Variants in ZFHX3 observed in about 807,000 individuals in gnomAD.
ZFHX3 encodes zinc finger homeobox 3, also known as zinc finger homeobox protein 3.
ZFHX3 carries 42 observed loss-of-function variants against 279.1 expected under a neutral mutation model. The observed-to-expected ratio is 0.15, with a 90% CI of 0.12 to 0.19. ZFHX3 has a LOEUF of 0.19. Ranked by LOEUF, ZFHX3 falls within the 10% of genes least tolerant of loss-of-function variation. The probability of loss-of-function intolerance (pLI) is 1.00; values close to 1 mark genes in which losing one functional copy is unlikely to be tolerated. For synonymous variants in ZFHX3, 2,293 were observed against 1,957.8 expected (o/e 1.17, Z -4.52); for missense variants, 4,981 against 4,754.0 (o/e 1.05, Z -1.40).
intron 4 of ZFHX3, among the ~76,000 whole-genome samples, chr16:73,297,675 G>C (rs1161795942): frequency 6.6e-6 from 1 of 151,964 alleles, no homozygotes; most frequent in Non-Finnish European, 1.5e-5. Context: ...AAGAAGGAGT[G>C]TAAGGAGAAT....
intron 1 of ZFHX3, among the ~76,000 whole-genome samples, chr16:73,846,903 T>C (rs1961462866): frequency 1.3e-5 from 2 of 152,166 alleles, no homozygotes; most frequent in South Asian, 4.1e-4. Flanking sequence ...AAGGAGGCCC[T>C]TTTTTTATTT....
At chr16:73,164,775 C>T (rs966795735) in intron 5 of ZFHX3, among the ~76,000 whole-genome samples, 1 of 151,668 alleles carries the variant, frequency 6.6e-6, no homozygotes, top group Non-Finnish European at 1.5e-5. Context: ...GAAGGCTTTG[C>T]CATGGACCAA....
At chr16:73,155,308 A>C (rs1367553013) in intron 5 of ZFHX3, among the ~76,000 whole-genome samples, 1 of 152,024 alleles carries the variant, frequency 6.6e-6, no homozygotes, top group Non-Finnish European at 1.5e-5. Context: ...AATAATTCTT[A>C]GGGCTTTAGG....
At chr16:73,880,986 CA>C (rs2030126490) in intron 1 of ZFHX3, among the ~76,000 whole-genome samples, 2 of 152,130 alleles carry the variant, frequency 1.3e-5, no homozygotes, top group South Asian at 4.1e-4. Flanking sequence ...TTTTCCATGT[CA>C]CAGGCAAAGG....
At chr16:73,382,799 C>CTATT (rs2016837717) in intron 3 of ZFHX3, among the ~76,000 whole-genome samples, 1 of 152,150 alleles carries the variant, frequency 6.6e-6, no homozygotes, top group African/African-American at 2.4e-5. Flanking sequence ...TTTCAACTTT[C>CTATT]AATAGAAACA....
rs911524007 is a variant in ZFHX3, at chr16:72,958,049, G to T, written c.2097C>A (p.Gly699=). ...HMKEKHPEPG[G]SCVYCKSGQP... Reference sequence around the variant, plus strand: ...GCCCGCTTTTGCAGTAGACACAGGAGCCCCCCGGCTCCGGGTGCTTCTCCT... The same window carrying T: ...GCCCGCTTTTGCAGTAGACACAGGATCCCCCCGGCTCCGGGTGCTTCTCCT... Residue 699 remains glycine, a synonymous_variant, in exon 2 of 10, where the codon GGC becomes GGA. Coordinates refer to ENST00000268489, the MANE Select transcript of ZFHX3 (RefSeq NM_006885.4). 5.6e-6 allele frequency: 9 copies of T among 1,613,664 alleles called. No individual in the cohort carries two copies. In the Admixed American group the frequency reaches 1.5e-4, roughly 27 times the overall value.
chr16:72,827,849 C>T (rs2036971103), intron 5 of ZFHX3, among the ~76,000 whole-genome samples: 2 of 152,184 alleles, frequency 1.3e-5, no homozygotes, highest in Non-Finnish European at 2.9e-5. Flanking sequence ...GCACAGTGGA[C>T]AGTAGAATCC....
intron 5 of ZFHX3, among the ~76,000 whole-genome samples, chr16:73,228,281 T>C (rs9930134): frequency 0.078 from 11,876 of 152,232 alleles, 1,434 homozygotes; most frequent in African/African-American, 0.26. Flanking sequence ...TTTATGACTG[T>C]AGTGGTATAA....
At chr16:72,891,410 C>T (rs1424436532) in intron 3 of ZFHX3, among the ~76,000 whole-genome samples, 3 of 152,262 alleles carry the variant, frequency 2.0e-5, no homozygotes, top group South Asian at 2.1e-4. Flanking sequence ...GACTTAAAGA[C>T]GACCCAACAA....
chr16:72,964,094 G>A (rs1024689566), intron 1 of ZFHX3, among the ~76,000 whole-genome samples: 1 of 152,186 alleles, frequency 6.6e-6, no homozygotes, highest in African/African-American at 2.4e-5. Context: ...CCCCTGCTCT[G>A]CCGGAGGGAG....
intron 1 of ZFHX3, among the ~76,000 whole-genome samples, chr16:73,803,580 A>C (rs1457720022): frequency 6.6e-6 from 1 of 152,228 alleles, no homozygotes; most frequent in Non-Finnish European, 1.5e-5. Context: ...AAATATGTAG[A>C]AGGATGTTTA....
Position 73,290,566 on chromosome 16 carries a change from G to A in ZFHX3, c.-1194+27674C>T, listed in dbSNP as rs11642845. On this transcript the variant is annotated intron_variant, in intron 4 of 17. Coordinates refer to the ZFHX3 transcript ENST00000641206. ...TAGTAGGTTTCCAGAAGGAATAGAG[G>A]TGGACAGGGAAGAGAGGTGGAAAAG... is the stretch of plus-strand genomic sequence containing the variant. 4.4e-3 allele frequency among the ~76,000 whole-genome samples: 666 copies of A among 152,316 alleles called. 4 individuals carry two copies. The highest frequency in any genetic ancestry group is 6.8e-3 in the Non-Finnish European group (466 of 68,034).
intron 2 of ZFHX3, among the ~76,000 whole-genome samples, chr16:73,501,393 T>A (rs1176219129): frequency 6.6e-6 from 1 of 152,212 alleles, no homozygotes; most frequent in African/African-American, 2.4e-5. Context: ...ATAAGCCAAC[T>A]GTTTTAGAAG....
intron 1 of ZFHX3, among the ~76,000 whole-genome samples, chr16:73,805,640 ATGT>A (rs1411629616): frequency 6.6e-6 from 1 of 152,372 alleles, no homozygotes; most frequent in South Asian, 2.1e-4. Flanking sequence ...TGAAACAAAC[ATGT>A]TAAGCACCAA....
chr16:73,485,371 T>C (rs1286048232), intron 2 of ZFHX3, among the ~76,000 whole-genome samples: 1 of 148,886 alleles, frequency 6.7e-6, no homozygotes, highest in Non-Finnish European at 1.5e-5. Context: ...TTCAGCTGTT[T>C]AGATACAGTC....
In ZFHX3 at chr16:73,010,382, C is replaced by T. The variant is rs192126641; in HGVS notation, c.-50+37370G>A. 1.1e-4 allele frequency among the ~76,000 whole-genome samples: 16 copies of T among 152,342 alleles called. No individual in the cohort carries two copies. The East Asian group carries it at 2.7e-3, about 26-fold the overall frequency. ...ACAAAAGACGGATGACAGGAAAACC[C>T]GCTGGCCTTTGGCCCATTCCCTAGC... is the stretch of plus-strand genomic sequence containing the variant. On this transcript the variant is annotated intron_variant, in intron 1 of 9. Coordinates refer to ENST00000268489, the MANE Select transcript of ZFHX3 (RefSeq NM_006885.4).
chr16:73,102,119 G>T (rs1012514964), intron 7 of ZFHX3, among the ~76,000 whole-genome samples: 4 of 151,886 alleles, frequency 2.6e-5, no homozygotes, highest in African/African-American at 9.7e-5. Flanking sequence ...TTACCATGTT[G>T]TCCAGGCTGG....
chr16:73,214,393 C>T (rs1021765719), intron 5 of ZFHX3, among the ~76,000 whole-genome samples: 4 of 151,538 alleles, frequency 2.6e-5, no homozygotes, highest in Non-Finnish European at 5.9e-5. Flanking sequence ...TTTTTTTTTT[C>T]GGTGACTTAC....
At chr16:73,361,685 G>T (rs1444480305) in intron 3 of ZFHX3, among the ~76,000 whole-genome samples, 5 of 152,088 alleles carry the variant, frequency 3.3e-5, no homozygotes, top group Non-Finnish European at 7.4e-5. Context: ...AGCAAGTTAG[G>T]GGTCTGGTGT....
Sources: gnomAD v4.1 joint callset for allele counts (sites outside exome capture counted in the v4.1 genomes callset) on GRCh38, gnomAD v4.1.1 for gene constraint, MANE v1.5 for transcripts, NCBI Gene and HGNC (gene_info 2026-07-23, HGNC 2026-07-21) for gene names.